POLR3C: variants seen among roughly 807,000 people sequenced by gnomAD.
POLR3C encodes the protein DNA-directed RNA polymerase III subunit RPC3.
POLR3C carries 44 observed loss-of-function variants against 65.9 expected under a neutral mutation model. That is an observed-to-expected ratio of 0.67 (90% CI 0.52 to 0.86). The LOEUF (loss-of-function observed/expected upper bound fraction) is 0.86, where lower values mean the gene tolerates loss of function less well. Among genes scored for constraint, POLR3C ranks in the 40% least tolerant of loss-of-function variants. The pLI, the probability that POLR3C is intolerant of heterozygous loss-of-function variation, is 0.00. For missense variants in POLR3C, 576 were observed against 653.2 expected, an observed-to-expected ratio of 0.88 and a Z score of 1.29; for synonymous variants, 263 against 231.6, an observed-to-expected ratio of 1.14 and a Z score of -1.23.
chr1:145,840,202 C>G lies in POLR3C; in HGVS notation c.1373+37C>G, dbSNP rs942254549. 7 of 1,337,022 alleles carry G rather than the reference C, an allele frequency of 5.2e-6. No individual in the cohort carries two copies. In the East Asian group the frequency reaches 1.6e-4, roughly 31 times the overall value. The allele number at this position is 1,337,022 out of a possible 1,614,324, so 82.8% of individuals were successfully genotyped here. ...TTTCAGTTGAGTTATTTACATCTTT[C>G]AAGATCAAGGGCCTCAGGGGAAATT... is the stretch of plus-strand genomic sequence containing the variant. On this transcript the variant is annotated intron_variant, in intron 13 of 14. Coordinates refer to ENST00000334163, the MANE Select transcript of POLR3C (RefSeq NM_006468.8).
At position 145,827,534 on chromosome 1, in the gene POLR3C, C is replaced by T. The variant is rs587683672; in HGVS notation, c.589+529C>T. On this transcript the variant is annotated intron_variant, in intron 4 of 14. Coordinates refer to ENST00000334163, the MANE Select transcript of POLR3C (RefSeq NM_006468.8). Reference sequence around the variant, plus strand: ...CAGCACTTTGGGAGGCCAAGGTGGGCGGATCACGAGGTCAGGAGATCGAGA... The same window carrying T: ...CAGCACTTTGGGAGGCCAAGGTGGGTGGATCACGAGGTCAGGAGATCGAGA... Among the ~76,000 whole-genome samples, 259 of 151,344 alleles carry T rather than the reference C, an allele frequency of 1.7e-3. 2 individuals carry two copies. Among genetic ancestry groups the T allele is most frequent in the African/African-American group, 5.1e-3 (212 of 41,202 alleles).
rs587689232 is a variant in POLR3C, at chr1:145,830,508, C to T, written c.678+1671C>T. Among the ~76,000 whole-genome samples the T allele has an allele frequency of 1.6e-3, 242 of 152,178 alleles. 2 individuals carry two copies. Among genetic ancestry groups the T allele is most frequent in the African/African-American group, 5.5e-3 (227 of 41,544 alleles). On this transcript the variant is annotated intron_variant, in intron 5 of 14. Transcript: ENST00000334163. Reference sequence around the variant, plus strand: ...TACCCAAGTTTGTAGCTTAAGAAATCGGGTTGGCTGGCCAAGCACAGTGGC... The same window carrying T: ...TACCCAAGTTTGTAGCTTAAGAAATTGGGTTGGCTGGCCAAGCACAGTGGC...
chr1:145,838,014 A>T, intron 10 of POLR3C, 42 bp from the exon 11 acceptor site: 6 of 1,597,342 alleles, frequency 3.8e-6, no homozygotes, highest in Non-Finnish European at 5.1e-6. Context: ...ACTAAAGCTG[A>T]TCTATGTTAG....
chr1:145,830,941 C>CAA (rs782138034), intron 5 of POLR3C, among the ~76,000 whole-genome samples: 1 of 141,314 alleles, frequency 7.1e-6, no homozygotes, highest in African/African-American at 2.6e-5. Context: ...CCATCTGTAC[C>CAA]AAAAAAAAAA....
Position 145,833,558 on chromosome 1 carries a change from C to T in POLR3C, c.852C>T (p.Phe284=). The change falls in exon 7 of 15, where the codon TTC becomes TTT. Residue 284 remains phenylalanine (F), a synonymous_variant. Transcript: ENST00000334163. ...TTACCACTTCCTCTAGTGCTCCCTT[C>T]ACCCAGCCATTGTCTTCCAATGAGG... ...SEITTSSSAP[F]TQPLSSNEIF... The T allele has an allele frequency of 6.2e-7, 1 of 1,610,450 alleles. No individual in the cohort carries two copies. Among genetic ancestry groups the T allele is most frequent in the Non-Finnish European group, 8.5e-7 (1 of 1,176,578 alleles).
intron 4 of POLR3C, among the ~76,000 whole-genome samples, chr1:145,828,490 G>A (rs587756138): frequency 5.0e-4 from 76 of 152,298 alleles, no homozygotes; most frequent in Admixed American, 1.6e-3. Context: ...TGTCTGACTT[G>A]CACATGTGGG....
chr1:145,833,196 A>G, intron 5 of POLR3C, 64 bp from the exon 6 acceptor site: 1 of 913,690 alleles, frequency 1.1e-6, no homozygotes, highest in Non-Finnish European at 1.7e-6. Context: ...GAACCATTAA[A>G]TCCAAGCTCC....
At chr1:145,836,377 C>T (rs1238530534) in intron 7 of POLR3C, 117 bp from the exon 8 acceptor site, 7 of 704,870 alleles carry the variant, frequency 9.9e-6, no homozygotes, top group South Asian at 1.6e-5. Flanking sequence ...GCCTCAGCCT[C>T]CCAAAGTGTT....
chr1:145,831,531 A>AG (rs1491100884), intron 5 of POLR3C, among the ~76,000 whole-genome samples: 1 of 147,082 alleles, frequency 6.8e-6, no homozygotes, highest in Non-Finnish European at 1.5e-5. Flanking sequence ...AAAAAAAAAA[A>AG]GAGAGAGTTC....
intron 1 of POLR3C, chr1:145,824,619 A>C (rs1553725285): frequency 1.2e-6 from 1 of 834,844 alleles, no homozygotes; most frequent in African/African-American, 1.8e-5. Flanking sequence ...TGGAAGAAAT[A>C]AGTAAACAAT....
chr1:145,840,894 A>G, intron 13 of POLR3C, 28 bp from the exon 14 acceptor site: 1 of 1,596,196 alleles, frequency 6.3e-7, no homozygotes. Context: ...GTTAGGGAAG[A>G]TGTCTCAGAG....
At position 145,825,881 on chromosome 1, in the gene POLR3C, A is replaced by G; in HGVS notation, c.105A>G (p.Pro35=). The change falls in exon 2 of 15, where the codon CCA becomes CCG. Residue 35 remains proline (P), a synonymous_variant. Coordinates refer to ENST00000334163, the MANE Select transcript of POLR3C (RefSeq NM_006468.8). ...GVHLIRTGSQ[P]LRVIAHDTGT... ...ATCTGATAAGAACCGGCAGCCAGCC[A>G]CTAAGAGTAATTGCCCATGACACAG... The G allele has an allele frequency of 6.2e-7, 1 of 1,613,720 alleles. No homozygotes were observed. Among genetic ancestry groups the G allele is most frequent in the Non-Finnish European group, 8.5e-7 (1 of 1,179,580 alleles).
At chr1:145,828,557 T>C (rs1650982816) in intron 4 of POLR3C, among the ~76,000 whole-genome samples, 192 bp from the exon 5 acceptor site, 1 of 152,178 alleles carries the variant, frequency 6.6e-6, no homozygotes, top group Non-Finnish European at 1.5e-5. Flanking sequence ...TATAAGACTC[T>C]TTTTGAACAT....
chr1:145,828,989 T>C, intron 5 of POLR3C, 152 bp downstream of exon 5: 1 of 577,048 alleles, frequency 1.7e-6, no homozygotes. Flanking sequence ...TAACAAAGAA[T>C]GAACCATTAC....
intron 7 of POLR3C, among the ~76,000 whole-genome samples, chr1:145,835,967 A>G (rs372872303): frequency 1.2e-4 from 19 of 152,310 alleles, no homozygotes; most frequent in African/African-American, 4.3e-4. Flanking sequence ...CTCACTCTTC[A>G]TAATGACTGT....
At chr1:145,828,181 CAT>C (rs1553726306) in intron 4 of POLR3C, among the ~76,000 whole-genome samples, 1 of 152,154 alleles carries the variant, frequency 6.6e-6, no homozygotes, top group Non-Finnish European at 1.5e-5. Flanking sequence ...AGGTTAGAGA[CAT>C]AGCTAGGCAG....
At chr1:145,840,637 A>T (rs1042663375) in intron 13 of POLR3C, among the ~76,000 whole-genome samples, 18 of 152,198 alleles carry the variant, frequency 1.2e-4, no homozygotes, top group Non-Finnish European at 2.9e-5. Flanking sequence ...TAAATCATGC[A>T]TTAGTCTACA....
chr1:145,840,458 T>G, intron 13 of POLR3C: 2 of 356,732 alleles, frequency 5.6e-6, no homozygotes, highest in Non-Finnish European at 1.1e-5. Context: ...GAGAATCACT[T>G]AAACCCAGTG....
intron 7 of POLR3C, among the ~76,000 whole-genome samples, chr1:145,835,581 T>C (rs1392728573): frequency 6.6e-6 from 1 of 152,176 alleles, no homozygotes; most frequent in Non-Finnish European, 1.5e-5. Context: ...TTGTTTGTTT[T>C]TGTTTTTTTG....
Sources: gnomAD v4.1 joint callset for allele counts (sites outside exome capture counted in the v4.1 genomes callset) on GRCh38, gnomAD v4.1.1 for gene constraint, MANE v1.5 for transcripts, NCBI Gene and HGNC (gene_info 2026-07-23, HGNC 2026-07-21) for gene names.